The following BPTF variants were observed in gnomAD, a reference collection of about 807,000 sequenced individuals.
The protein encoded by BPTF is bromodomain PHD finger transcription factor.
A neutral mutation model predicts 292.5 loss-of-function variants in BPTF; 18 were observed. The ratio of observed to expected loss-of-function variants is 0.06; its 90% confidence interval spans 0.04 to 0.09. The LOEUF (loss-of-function observed/expected upper bound fraction) is 0.09. BPTF is among the 10% of genes least tolerant of loss of function. BPTF has a pLI of 1.00. For synonymous variants in BPTF, 1,225 were observed against 1,251.9 expected, an observed-to-expected ratio of 0.98 and a Z score of 0.45; for missense variants, 2,726 against 3,498.7, an observed-to-expected ratio of 0.78 and a Z score of 5.57.
chr17:67,855,224 C>T (rs1285351889), intron 2 of BPTF, among the ~76,000 whole-genome samples: 1 of 152,144 alleles, frequency 6.6e-6, no homozygotes, highest in Non-Finnish European at 1.5e-5. Context: ...TTGTTTGAAC[C>T]TGGGAGGCAG....
intron 10 of BPTF, among the ~76,000 whole-genome samples, chr17:67,910,112 G>C (rs921616473): frequency 1.3e-5 from 2 of 152,178 alleles, no homozygotes; most frequent in Non-Finnish European, 2.9e-5. Context: ...CATAGAAATG[G>C]AATCAGACAA....
intron 4 of BPTF, among the ~76,000 whole-genome samples, chr17:67,878,680 TCG>T (rs2060194909): frequency 7.4e-6 from 1 of 135,760 alleles, no homozygotes; most frequent in African/African-American, 2.9e-5. Flanking sequence ...CTTTATGTGT[TCG>T]TGTGTGTGTG....
In BPTF at chr17:67,945,723, T is replaced by C. The variant is rs1555674551; in HGVS notation, c.7015T>C (p.Ser2339Pro). ...GCCTCAAAGTAATGTCCAAGGACAG[T>C]CTCCTGTTCGTGTCCAAAGTCCATC... ...SQPQSNVQGQ[S>P]PVRVQSPSQT... The change falls in exon 21 of 28, where the codon TCT becomes CCT. Residue 2339 changes from serine to proline, a missense_variant. By Grantham distance (74) the Ser-to-Pro change is moderately conservative. Transcript: ENST00000306378. 1 of 1,614,118 alleles carries C rather than the reference T, an allele frequency of 6.2e-7. No homozygotes were observed. Among genetic ancestry groups the C allele is most frequent in the South Asian group, 1.1e-5 (1 of 91,074 alleles).
chr17:67,914,807 A>G (rs2062874041), intron 11 of BPTF, among the ~76,000 whole-genome samples: 1 of 152,200 alleles, frequency 6.6e-6, no homozygotes. Flanking sequence ...AGTATGCACT[A>G]TGGTACAGTT....
At chr17:67,949,607 A>G (rs1306552922) in intron 23 of BPTF, among the ~76,000 whole-genome samples, 2 of 151,210 alleles carry the variant, frequency 1.3e-5, no homozygotes, top group East Asian at 3.9e-4. Context: ...ATTTATACAT[A>G]TATATACACA....
intron 7 of BPTF, among the ~76,000 whole-genome samples, chr17:67,897,687 T>A (rs2061544168): frequency 6.6e-6 from 1 of 152,210 alleles, no homozygotes; most frequent in African/African-American, 2.4e-5. Context: ...AAAGGATTTC[T>A]GGTTATCACT....
At chr17:67,939,141 A>G (rs1779513677) in intron 18 of BPTF, among the ~76,000 whole-genome samples, 1 of 152,224 alleles carries the variant, frequency 6.6e-6, no homozygotes, top group African/African-American at 2.4e-5. Flanking sequence ...GTTACTTTAA[A>G]GAAATAATCA....
chr17:67,951,364 C>G (rs1409565128), intron 23 of BPTF: 10 of 152,086 alleles, frequency 6.6e-5, no homozygotes, highest in Admixed American at 3.9e-4. Flanking sequence ...TGCTGGGAAA[C>G]AGGGAGGAAG....
chr17:67,897,545 G>A (rs190161405), intron 7 of BPTF, among the ~76,000 whole-genome samples: 3 of 151,958 alleles, frequency 2.0e-5, no homozygotes, highest in East Asian at 3.9e-4. Context: ...CCAACTCATC[G>A]TGCCCCACCT....
At chr17:67,961,979 A>G (rs1236439257) in intron 24 of BPTF, among the ~76,000 whole-genome samples, 1 of 151,782 alleles carries the variant, frequency 6.6e-6, no homozygotes, top group East Asian at 1.9e-4. Flanking sequence ...GTCAAAAAAA[A>G]AAAAGAAAAG....
At chr17:67,848,687 A>G (rs1307723552) in intron 1 of BPTF, among the ~76,000 whole-genome samples, 1 of 152,234 alleles carries the variant, frequency 6.6e-6, no homozygotes, top group Non-Finnish European at 1.5e-5. Context: ...AGTTCATCCG[A>G]ACAGTTCAGA....
At position 67,874,980 on chromosome 17, in the gene BPTF, C is replaced by T. The variant is rs780062771; in HGVS notation, c.1824C>T (p.Asp608=). ...EDQSLEKDSD[D]KTPDDDPEQG... ...AGTCCCTTGAAAAAGACAGTGACGA[C>T]AAAACACCAGATGATGACCCTGAGC... Residue 608 remains aspartate (D), a synonymous_variant, in exon 4 of 28, where the codon GAC becomes GAT. Transcript: ENST00000306378. 3.7e-6 allele frequency: 6 copies of T among 1,613,606 alleles called. No individual in the cohort carries two copies. The highest frequency in any genetic ancestry group is 5.1e-6 in the Non-Finnish European group (6 of 1,179,820).
chr17:67,838,243 T>C (rs1418230142), intron 1 of BPTF, among the ~76,000 whole-genome samples: 1 of 152,228 alleles, frequency 6.6e-6, no homozygotes, highest in African/African-American at 2.4e-5. Flanking sequence ...GGCCATAGTT[T>C]ATTCACCCCA....
intron 1 of BPTF, among the ~76,000 whole-genome samples, chr17:67,839,055 G>A (rs2057354059): frequency 6.6e-6 from 1 of 151,844 alleles, no homozygotes. Flanking sequence ...GTACACATCT[G>A]ATTTTCTTAC....
intron 1 of BPTF, among the ~76,000 whole-genome samples, chr17:67,832,179 T>A (rs2056751947): frequency 6.6e-6 from 1 of 152,060 alleles, no homozygotes; most frequent in Non-Finnish European, 1.5e-5. Context: ...TGAGCTGCCG[T>A]ACCCGGCCTC....
At chr17:67,945,181 A>G (rs541981478) in intron 20 of BPTF, among the ~76,000 whole-genome samples, 1 of 152,180 alleles carries the variant, frequency 6.6e-6, no homozygotes, top group East Asian at 1.9e-4. Context: ...GACCATAGCC[A>G]TGCTCCACTA....
chr17:67,957,624 A>G (rs2067083471), intron 23 of BPTF, among the ~76,000 whole-genome samples: 2 of 152,230 alleles, frequency 1.3e-5, no homozygotes, highest in African/African-American at 2.4e-5. Context: ...TCATCCCAGC[A>G]CTTAGGGAGG....
At chr17:67,887,496 C>G (rs2060822846) in intron 4 of BPTF, among the ~76,000 whole-genome samples, 1 of 151,954 alleles carries the variant, frequency 6.6e-6, no homozygotes, top group African/African-American at 2.4e-5. Flanking sequence ...GGAGGGTTAT[C>G]CCCATCCCAA....
At chr17:67,836,718 G>A (rs1041764032) in intron 1 of BPTF, among the ~76,000 whole-genome samples, 1 of 152,206 alleles carries the variant, frequency 6.6e-6, no homozygotes, top group African/African-American at 2.4e-5. Context: ...GAACAAGTAG[G>A]CAGAAAGAAA....
Sources: gnomAD v4.1 joint callset for allele counts (sites outside exome capture counted in the v4.1 genomes callset) on GRCh38, gnomAD v4.1.1 for gene constraint, MANE v1.5 for transcripts, NCBI Gene and HGNC (gene_info 2026-07-23, HGNC 2026-07-21) for gene names.